The following MYO5A variants were observed in gnomAD, a reference collection of about 807,000 sequenced individuals.
MYO5A encodes myosin VA.
Under a neutral mutation model 249.7 loss-of-function variants are expected in MYO5A, and 98 were observed. The observed-to-expected ratio is 0.39, with a 90% CI of 0.33 to 0.46. The LOEUF is 0.46. Ranked by LOEUF, MYO5A falls within the 20% of genes least tolerant of loss-of-function variation. The pLI, the probability that MYO5A is intolerant of heterozygous loss-of-function variation, is 0.98. For synonymous variants in MYO5A, 778 were observed against 810.6 expected (o/e 0.96, Z 0.68); for missense variants, 1,696 against 2,308.8 (o/e 0.73, Z 5.44).
At chr15:52,487,198 A>C (rs2076839850) in intron 1 of MYO5A, among the ~76,000 whole-genome samples, 1 of 152,112 alleles carries the variant, frequency 6.6e-6, no homozygotes, top group Non-Finnish European at 1.5e-5. Context: ...GGAGGATCGC[A>C]TGAGTCCAGG....
At chr15:52,346,528 T>C in intron 29 of MYO5A, 67 bp from the exon 30 acceptor site, 1 of 1,010,564 alleles carries the variant, frequency 9.9e-7, no homozygotes, top group East Asian at 2.5e-5. Flanking sequence ...AAAACACATT[T>C]ATTTGGTATA....
chr15:52,369,691 A>G (rs2041000922), intron 22 of MYO5A, among the ~76,000 whole-genome samples: 1 of 152,110 alleles, frequency 6.6e-6, no homozygotes, highest in African/African-American at 2.4e-5. Flanking sequence ...TAGAACACTA[A>G]GCATGTGGGA....
intron 16 of MYO5A, 54 bp from the exon 17 acceptor site, chr15:52,379,962 A>G: frequency 6.4e-7 from 1 of 1,559,684 alleles, no homozygotes; most frequent in East Asian, 2.2e-5. Flanking sequence ...TGGTGGCCAC[A>G]AATTACTCTC....
chr15:52,525,246 A>G (rs2077710208), intron 1 of MYO5A, among the ~76,000 whole-genome samples: 1 of 152,240 alleles, frequency 6.6e-6, no homozygotes, highest in South Asian at 2.1e-4. Flanking sequence ...ACCAAAAACC[A>G]TTGAATAGTA....
intron 9 of MYO5A, among the ~76,000 whole-genome samples, chr15:52,400,204 G>A (rs1342025284): frequency 6.6e-6 from 1 of 151,406 alleles, no homozygotes; most frequent in Non-Finnish European, 1.5e-5. Flanking sequence ...TAGTTTGAAA[G>A]GTTTACTTTG....
chr15:52,364,145 G>C (rs186584472), intron 24 of MYO5A, among the ~76,000 whole-genome samples: 77 of 152,102 alleles, frequency 5.1e-4, no homozygotes, highest in African/African-American at 1.7e-3. Flanking sequence ...GGCTGAGGCA[G>C]GAGAATCACT....
chr15:52,528,860 G>A lies in MYO5A; in HGVS notation c.-54C>T, dbSNP rs2077774021. ...CCTGTGCGGAGGCCGCACCTCGCCT[G>A]GGCGGCCGCCCGAGCGGACTAGGAA... On this transcript the variant is annotated 5_prime_UTR_variant, in exon 1 of 42. Transcript: ENST00000399233. 2 of 1,427,632 alleles carry A rather than the reference G, an allele frequency of 1.4e-6. No individual in the cohort carries two copies. The highest frequency in any genetic ancestry group is 1.5e-5 in the African/African-American group (1 of 66,968). The allele number at this position is 1,427,632 out of a possible 1,614,324, so 88.4% of individuals were successfully genotyped here. A position where few individuals can be genotyped will look rare whatever the true frequency, so the allele number is the denominator to read the frequency against.
rs1401136715 is a variant in MYO5A, at chr15:52,325,272, C to T, written c.4711-1828G>A. Among the ~76,000 whole-genome samples the T allele has an allele frequency of 6.6e-5, 10 of 152,270 alleles. No homozygotes were observed. In the South Asian group the frequency reaches 1.9e-3, roughly 28 times the overall value. The stretch of plus-strand genomic sequence containing the variant: ...AAACTGCAGAGATCCTCAGAATAGT[C>T]CCAGCTGGATGTAACGGCACCTATA... On this transcript the variant is annotated intron_variant, in intron 36 of 41. Transcript: ENST00000399233.
intron 1 of MYO5A, among the ~76,000 whole-genome samples, chr15:52,474,106 G>A (rs201357971): frequency 0.015 from 2,236 of 152,178 alleles, 28 homozygotes; most frequent in South Asian, 0.023. Context: ...GGTCCTTCAT[G>A]TCCCTTGTAA....
intron 33 of MYO5A, 114 bp downstream of exon 33, chr15:52,337,696 G>C (rs1029254910): frequency 7.2e-6 from 5 of 691,936 alleles, no homozygotes; most frequent in Non-Finnish European, 1.2e-5. Flanking sequence ...AACAGGTTTC[G>C]TGAAAATTTT....
At chr15:52,500,992 C>T (rs930670694) in intron 1 of MYO5A, among the ~76,000 whole-genome samples, 6 of 150,624 alleles carry the variant, frequency 4.0e-5, no homozygotes, top group Admixed American at 6.6e-5. Flanking sequence ...TTTTTTGAGA[C>T]GGAGTCTTGC....
At chr15:52,316,233 CAAAAAAAAAAAAA>C (rs5812596) in intron 40 of MYO5A, among the ~76,000 whole-genome samples, 7 of 60,348 alleles carry the variant, frequency 1.2e-4, no homozygotes, top group Non-Finnish European at 2.0e-4. Flanking sequence ...GACTCCGTCA[CAAAAAAAAAAAAA>C]AAAAAAAAAA....
chr15:52,505,383 A>G (rs2077247746), intron 1 of MYO5A: 3 of 786,618 alleles, frequency 3.8e-6, no homozygotes, highest in Non-Finnish European at 7.1e-6. Context: ...ACGAAAAGGA[A>G]AAGGCCAGCC....
chr15:52,371,985 C>T, intron 21 of MYO5A, 139 bp downstream of exon 21: 1 of 1,207,116 alleles, frequency 8.3e-7, no homozygotes, highest in East Asian at 2.4e-5. Flanking sequence ...CTTCCATGCC[C>T]ATTATGGAAA....
intron 1 of MYO5A, among the ~76,000 whole-genome samples, chr15:52,519,823 C>T (rs569520122): frequency 9.2e-5 from 14 of 151,970 alleles, no homozygotes; most frequent in East Asian, 5.8e-4. Flanking sequence ...CTCTGCTTCC[C>T]GGGTTCAAGC....
chr15:52,462,488 G>A (rs1346189969), intron 1 of MYO5A, among the ~76,000 whole-genome samples: 1 of 151,748 alleles, frequency 6.6e-6, no homozygotes, highest in Non-Finnish European at 1.5e-5. Flanking sequence ...CCAGCTGCTG[G>A]CCATGCTTGC....
chr15:52,441,588 G>A (rs1213131522), intron 1 of MYO5A, among the ~76,000 whole-genome samples: 1 of 152,164 alleles, frequency 6.6e-6, no homozygotes, highest in African/African-American at 2.4e-5. Context: ...TGCTGTAGCT[G>A]TTTCCTCCAT....
chr15:52,501,888 C>CACACACACAG lies in MYO5A; in HGVS notation c.27+26891_27+26892insCTGTGTGTGT, dbSNP rs1206304058. On this transcript the variant is annotated intron_variant, in intron 1 of 41. Coordinates refer to ENST00000399233, the MANE Select transcript of MYO5A (RefSeq NM_001382347.1). Reference sequence around the variant, plus strand: ...CACATACATATACTACACACACACACACACACACACACACACACACACTGT... The same window carrying CACACACACAG: ...CACATACATATACTACACACACACACACACACACAGACACACACACACACACACACACTGT... 6.1e-4 allele frequency among the ~76,000 whole-genome samples: 90 copies of CACACACACAG among 148,744 alleles called. 1 individual carries two copies. The highest frequency in any genetic ancestry group is 6.0e-3 in the East Asian group (30 of 5,038).
In MYO5A at chr15:52,311,093, A is replaced by C. The variant is rs761958857; in HGVS notation, c.*2603T>G. 3 of 152,422 alleles carry C rather than the reference A, an allele frequency of 2.0e-5. No individual in the cohort carries two copies. The highest frequency in any genetic ancestry group is 4.4e-5 in the Non-Finnish European group (3 of 68,250). 9.4% of individuals were successfully genotyped at this position (152,422 alleles called of 1,614,324 possible). ...CTCTGGCTCCAGCACTTGACAGGAC[A>C]AAGACAGGAGATGGGAGAGAAGGGC... On this transcript the variant is annotated 3_prime_UTR_variant, in exon 42 of 42. Transcript: ENST00000399233.
Sources: gnomAD v4.1 joint callset for allele counts (sites outside exome capture counted in the v4.1 genomes callset) on GRCh38, gnomAD v4.1.1 for gene constraint, MANE v1.5 for transcripts, NCBI Gene and HGNC (gene_info 2026-07-23, HGNC 2026-07-21) for gene names.